The following KIF26B variants were observed in gnomAD, a reference collection of about 807,000 sequenced individuals.
The protein encoded by KIF26B is kinesin-like protein KIF26B.
Under a neutral mutation model 151.2 loss-of-function variants are expected in KIF26B, and 63 were observed. That is an observed-to-expected ratio of 0.42 (90% CI 0.34 to 0.51). The LOEUF (loss-of-function observed/expected upper bound fraction) is 0.51, where lower values mean the gene tolerates loss of function less well. Among genes scored for constraint, KIF26B ranks in the 20% least tolerant of loss-of-function variants. The pLI, the probability that KIF26B is intolerant of heterozygous loss-of-function variation, is 0.07. For missense variants in KIF26B, 2,813 were observed against 2,913.6 expected, an observed-to-expected ratio of 0.97 and a Z score of 0.79; for synonymous variants, 1,357 against 1,262.1, an observed-to-expected ratio of 1.08 and a Z score of -1.59.
intron 2 of KIF26B, among the ~76,000 whole-genome samples, chr1:245,316,020 A>G (rs931478964): frequency 2.6e-5 from 4 of 152,230 alleles, no homozygotes; most frequent in African/African-American, 9.6e-5. Context: ...CACAGACTGC[A>G]CAGTAAAGTG....
chr1:245,543,956 A>G (rs546278148), intron 5 of KIF26B, among the ~76,000 whole-genome samples: 27 of 152,110 alleles, frequency 1.8e-4, no homozygotes, highest in African/African-American at 5.5e-4. Flanking sequence ...TCAATAAAAA[A>G]GAAAAAGAAA....
chr1:245,687,608 A>T lies in KIF26B; in HGVS notation c.4625A>T (p.Gln1542Leu). ...TCCAGCAGCCTTCCCAGGGCCTTTC[A>T]GAAGGCCAGCCGGCAGGAGGAGCCG... ...VKSSSLPRAF[Q>L]KASRQEEPDS... The change falls in exon 12 of 15, where the codon CAG becomes CTG. Residue 1542 changes from glutamine to leucine, a missense_variant. By Grantham distance (113) the Gln-to-Leu change is moderately radical. Transcript: ENST00000407071. The surrounding 1 kb of genome is among the most constrained non-coding windows in gnomAD (Gnocchi z 4.9). 1 of 1,563,754 alleles carries T rather than the reference A, an allele frequency of 6.4e-7. No individual in the cohort carries two copies.
At chr1:245,266,456 G>A (rs1255893540) in intron 2 of KIF26B, among the ~76,000 whole-genome samples, 8 of 151,986 alleles carry the variant, frequency 5.3e-5, no homozygotes, top group African/African-American at 1.9e-4. Flanking sequence ...ATAAGCTTTG[G>A]AGTCAGTCCA....
chr1:245,478,089 G>T (rs987157161), intron 4 of KIF26B, among the ~76,000 whole-genome samples: 2 of 151,860 alleles, frequency 1.3e-5, no homozygotes, highest in Non-Finnish European at 2.9e-5. Context: ...CATACAATAC[G>T]TGAACTTCTG....
At chr1:245,326,503 G>A (rs529172610) in intron 2 of KIF26B, among the ~76,000 whole-genome samples, 28 of 152,148 alleles carry the variant, frequency 1.8e-4, no homozygotes, top group Non-Finnish European at 3.1e-4. Flanking sequence ...CCCCAGGACC[G>A]CCAGGCAAAG....
At chr1:245,664,839 C>G (rs1434066916) in intron 10 of KIF26B, among the ~76,000 whole-genome samples, 1 of 152,076 alleles carries the variant, frequency 6.6e-6, no homozygotes, top group African/African-American at 2.4e-5. Flanking sequence ...TTGTTAATGT[C>G]AGGGCGTTTT....
chr1:245,411,063 T>C (rs1674269536), intron 3 of KIF26B, among the ~76,000 whole-genome samples: 2 of 152,264 alleles, frequency 1.3e-5, no homozygotes, highest in South Asian at 4.1e-4. Context: ...GTACATTTTA[T>C]TCAAACAAGA....
chr1:245,257,930 G>T (rs1670567999), intron 2 of KIF26B, among the ~76,000 whole-genome samples: 1 of 152,134 alleles, frequency 6.6e-6, no homozygotes, highest in South Asian at 2.1e-4. Flanking sequence ...GCTGAGGCTG[G>T]AGAATTGCTT....
At chr1:245,279,947 C>T (rs1383149603) in intron 2 of KIF26B, among the ~76,000 whole-genome samples, 1 of 151,840 alleles carries the variant, frequency 6.6e-6, no homozygotes, top group African/African-American at 2.4e-5. Flanking sequence ...GATTTGGCTG[C>T]TTAAATCACT....
At chr1:245,449,224 G>T (rs144742483) in intron 4 of KIF26B, among the ~76,000 whole-genome samples, 1 of 152,168 alleles carries the variant, frequency 6.6e-6, no homozygotes, top group Non-Finnish European at 1.5e-5. Flanking sequence ...TCTATATCCC[G>T]ACAGATCCTT....
chr1:245,330,219 A>G (rs1228044753), intron 2 of KIF26B, among the ~76,000 whole-genome samples: 4 of 150,634 alleles, frequency 2.7e-5, no homozygotes. Flanking sequence ...TGAGGAGGAA[A>G]TTCAGGAGTG....
intron 2 of KIF26B, among the ~76,000 whole-genome samples, chr1:245,332,709 C>T (rs981653346): frequency 2.6e-5 from 4 of 152,248 alleles, no homozygotes; most frequent in African/African-American, 9.6e-5. Context: ...CACAAGACAG[C>T]GAGGAGTGCT....
chr1:245,426,651 G>A (rs1048433280), intron 4 of KIF26B, among the ~76,000 whole-genome samples: 3 of 152,188 alleles, frequency 2.0e-5, no homozygotes, highest in Admixed American at 6.5e-5. Context: ...AGAGGTTGCC[G>A]TAGTGTTAAA....
intron 2 of KIF26B, among the ~76,000 whole-genome samples, chr1:245,173,911 G>A (rs1668758462): frequency 6.6e-6 from 1 of 152,236 alleles, no homozygotes; most frequent in African/African-American, 2.4e-5. Context: ...GCAGGACTCA[G>A]TGCAAGACAG....
intron 2 of KIF26B, among the ~76,000 whole-genome samples, chr1:245,312,681 A>T (rs1011473082): frequency 3.1e-4 from 47 of 152,136 alleles, no homozygotes; most frequent in African/African-American, 1.1e-3. Flanking sequence ...TAGGTCTCAG[A>T]GAGGTTACGT....
At chr1:245,190,644 T>G (rs12736859) in intron 2 of KIF26B, among the ~76,000 whole-genome samples, 13,665 of 143,146 alleles carry the variant, frequency 0.095, 767 homozygotes, top group South Asian at 0.2. Flanking sequence ...GTTTTGTTTT[T>G]TTTTTTTTTT....
chr1:245,326,880 G>C (rs61829598), intron 2 of KIF26B, among the ~76,000 whole-genome samples: 21,383 of 152,202 alleles, frequency 0.14, 2,016 homozygotes, highest in East Asian at 0.3. Context: ...GCACATCAAG[G>C]ATCAGGCCCC....
At chr1:245,223,717 A>G (rs569445903) in intron 2 of KIF26B, among the ~76,000 whole-genome samples, 10 of 152,322 alleles carry the variant, frequency 6.6e-5, no homozygotes, top group East Asian at 5.8e-4. Context: ...AGGTTCTCCA[A>G]CACTCCTTCA....
intron 4 of KIF26B, among the ~76,000 whole-genome samples, chr1:245,506,174 T>C (rs1418323568): frequency 1.3e-5 from 2 of 152,206 alleles, no homozygotes; most frequent in African/African-American, 4.8e-5. Flanking sequence ...CTCTCGGGTA[T>C]ATTAACAGGG....
Sources: allele counts gnomAD v4.1 joint callset (sites outside exome capture counted in the v4.1 genomes callset), GRCh38; gene constraint gnomAD v4.1.1; non-coding constraint Gnocchi (gnomAD v3.1); transcripts MANE v1.5; gene names NCBI Gene and HGNC (gene_info 2026-07-23, HGNC 2026-07-21).